The following EDEM1 variants were observed in gnomAD, a reference collection of about 807,000 sequenced individuals.
EDEM1 encodes ER degradation enhancing alpha-mannosidase like protein 1.
In EDEM1, 67 loss-of-function variants were observed where a neutral mutation model predicts 74.4. The ratio of observed to expected loss-of-function variants is 0.90; its 90% CI spans 0.74 to 1.10. The LOEUF (loss-of-function observed/expected upper bound fraction) is 1.10. Among genes scored for constraint, EDEM1 ranks in the 50% least tolerant of loss-of-function variants. EDEM1 has a pLI of 0.00. For missense variants in EDEM1, 926 were observed against 851.6 expected (o/e 1.09, Z -1.09); for synonymous variants, 382 against 335.9 (o/e 1.14, Z -1.50).
rs1473570778 is a variant in EDEM1, at chr3:5,188,171, C to T, written c.366C>T (p.Phe122=). ...DEYEKRYSGA[F]PPQLRAQMRD... ...ACGAGAAGCGCTACAGCGGCGCCTTCCCTCCGCAGCTGCGTGCCCAGATGC... is the reference window on the plus strand; with the variant it reads ...ACGAGAAGCGCTACAGCGGCGCCTTTCCTCCGCAGCTGCGTGCCCAGATGC... Residue 122 remains phenylalanine (F), a synonymous_variant, in exon 1 of 12, where the codon TTC becomes TTT. Coordinates refer to ENST00000256497, the MANE Select transcript of EDEM1 (RefSeq NM_014674.3). 8 of 1,557,540 alleles carry T rather than the reference C, an allele frequency of 5.1e-6. No individual in the cohort carries two copies. The African/African-American group carries it at 9.7e-5, about 19-fold the overall frequency.
intron 2 of EDEM1, among the ~76,000 whole-genome samples, chr3:5,199,035 T>C (rs2055004348): frequency 6.6e-6 from 1 of 152,228 alleles, no homozygotes; most frequent in Non-Finnish European, 1.5e-5. Context: ...GTTTTGTTTC[T>C]TTTAAATCAG....
intron 2 of EDEM1, among the ~76,000 whole-genome samples, chr3:5,196,430 C>T (rs927777059): frequency 1.3e-5 from 2 of 150,614 alleles, no homozygotes; most frequent in African/African-American, 4.9e-5. Context: ...GCACTGTAGC[C>T]TGGGCAACAG....
intron 5 of EDEM1, 108 bp from the exon 6 acceptor site, chr3:5,204,959 A>G: frequency 3.3e-6 from 4 of 1,216,694 alleles, no homozygotes; most frequent in Non-Finnish European, 4.6e-6. Flanking sequence ...CTGTATGCCA[A>G]GGATAAAGGT....
At chr3:5,198,367 C>T (rs960940079) in intron 2 of EDEM1, among the ~76,000 whole-genome samples, 1 of 152,132 alleles carries the variant, frequency 6.6e-6, no homozygotes, top group Admixed American at 6.6e-5. Context: ...TCTGATTAGC[C>T]TTTCACGGAA....
chr3:5,201,727 T>C, intron 3 of EDEM1, 26 bp from the exon 4 acceptor site: 4 of 1,613,638 alleles, frequency 2.5e-6, no homozygotes, highest in Non-Finnish European at 3.4e-6. Flanking sequence ...ACGATTGTAT[T>C]ATCTTTTTGT....
intron 3 of EDEM1, 119 bp from the exon 4 acceptor site, chr3:5,201,634 C>G: frequency 8.5e-7 from 1 of 1,181,922 alleles, no homozygotes; most frequent in African/African-American, 1.5e-5. Flanking sequence ...TCAGGTCTCT[C>G]TGACGTCAGG....
chr3:5,211,286 A>G (rs767231106), intron 10 of EDEM1, 70 bp downstream of exon 10: 3 of 1,433,922 alleles, frequency 2.1e-6, no homozygotes, highest in Non-Finnish European at 2.9e-6. Flanking sequence ...ATAGTCTTCC[A>G]TCTGACAGGT....
chr3:5,197,914 T>C (rs1275985187), intron 2 of EDEM1, among the ~76,000 whole-genome samples: 1 of 152,126 alleles, frequency 6.6e-6, no homozygotes, highest in African/African-American at 2.4e-5. Flanking sequence ...TAGGGAGACA[T>C]GAGACATCAA....
chr3:5,201,651 T>C, intron 3 of EDEM1, 102 bp from the exon 4 acceptor site: 1 of 1,399,776 alleles, frequency 7.1e-7, no homozygotes, highest in Non-Finnish European at 9.9e-7. Flanking sequence ...CAGGCAGTTC[T>C]GAGTCTATGT....
chr3:5,208,774 C>T (rs1326755283), intron 8 of EDEM1, among the ~76,000 whole-genome samples: 13 of 148,788 alleles, frequency 8.7e-5, no homozygotes, highest in African/African-American at 2.3e-4. Flanking sequence ...TATATATACA[C>T]ACACACACAC....
At chr3:5,211,775 G>T (rs1016357434) in intron 10 of EDEM1, among the ~76,000 whole-genome samples, 19 of 152,122 alleles carry the variant, frequency 1.2e-4, no homozygotes, top group African/African-American at 3.9e-4. Flanking sequence ...AAGAACTACA[G>T]CCTACACAGA....
chr3:5,195,337 C>T, intron 2 of EDEM1, 56 bp downstream of exon 2: 1 of 1,107,838 alleles, frequency 9.0e-7, no homozygotes, highest in East Asian at 2.6e-5. Context: ...AGTTGATTAT[C>T]CCTAGTTCCC....
rs914947725 is a variant in EDEM1, at chr3:5,188,212, G to C, written c.407G>C (p.Gly136Ala). The change falls in exon 1 of 12, where the codon GGC (glycine) becomes GCC (alanine). Residue 136 changes from glycine to alanine, a missense_variant. Transcript: ENST00000256497. Reference protein sequence around the residue: ...LRAQMRDLARGMFVFGYDNYM... With the variant: ...LRAQMRDLARAMFVFGYDNYM... ...GCCCAGATGCGCGACCTGGCACGGG[G>C]CATGTTCGTCTTTGGCTACGACAAC... 11 of 1,581,838 alleles carry C rather than the reference G, an allele frequency of 7.0e-6. No individual in the cohort carries two copies. Among genetic ancestry groups the C allele is most frequent in the Non-Finnish European group, 8.6e-6 (10 of 1,166,228 alleles).
intron 1 of EDEM1, among the ~76,000 whole-genome samples, chr3:5,193,797 C>T (rs181364467): frequency 1.3e-5 from 2 of 152,262 alleles, no homozygotes; most frequent in African/African-American, 4.8e-5. Flanking sequence ...AGGGTCTTGC[C>T]ATGTTGGCCA....
chr3:5,215,148 G>GT (rs1486177461), intron 11 of EDEM1, among the ~76,000 whole-genome samples: 1 of 152,130 alleles, frequency 6.6e-6, no homozygotes, highest in African/African-American at 2.4e-5. Flanking sequence ...GCAGGGTGTA[G>GT]TAAGTTCAAC....
intron 2 of EDEM1, among the ~76,000 whole-genome samples, chr3:5,196,919 T>C (rs1160187556): frequency 2.1e-5 from 3 of 145,414 alleles, no homozygotes; most frequent in African/African-American, 7.7e-5. Context: ...CGTCGTCTTT[T>C]CTTTTCTTTT....
chr3:5,196,925 CTTTT>C (rs1266967015), intron 2 of EDEM1, among the ~76,000 whole-genome samples: 2 of 146,392 alleles, frequency 1.4e-5, no homozygotes, highest in Non-Finnish European at 3.0e-5. Flanking sequence ...CTTTTCTTTT[CTTTT>C]CTTTTCTTTT....
At position 5,219,579 on chromosome 3, in the gene EDEM1, C is replaced by T. The variant is rs1245047476; in HGVS notation, c.*3661C>T. ...CTGTGGAACTCCCTGATTCTATACCCTCTTCCTTCTTTCTGCAAGGCAGAG... is the reference window on the plus strand; with the variant it reads ...CTGTGGAACTCCCTGATTCTATACCTTCTTCCTTCTTTCTGCAAGGCAGAG... On this transcript the variant is annotated 3_prime_UTR_variant, in exon 12 of 12. Coordinates refer to ENST00000256497, the MANE Select transcript of EDEM1 (RefSeq NM_014674.3). The T allele has an allele frequency of 2.0e-5, 3 of 152,296 alleles. No homozygotes were observed. The highest frequency in any genetic ancestry group is 6.5e-5 in the Admixed American group (1 of 15,286). 9.4% of individuals were successfully genotyped at this position (152,296 alleles called of 1,614,324 possible).
intron 6 of EDEM1, 30 bp downstream of exon 6, chr3:5,205,271 C>A: frequency 2.5e-6 from 4 of 1,591,590 alleles, no homozygotes; most frequent in Non-Finnish European, 3.4e-6. Flanking sequence ...CCTCTGTTGC[C>A]TTGTAAAGCA....
Sources: gnomAD v4.1 joint callset for allele counts (sites outside exome capture counted in the v4.1 genomes callset) on GRCh38, gnomAD v4.1.1 for gene constraint, MANE v1.5 for transcripts, NCBI Gene and HGNC (gene_info 2026-07-23, HGNC 2026-07-21) for gene names.